The following SCMH1 variants were observed in gnomAD, a reference collection of about 807,000 sequenced individuals.
SCMH1 encodes the protein polycomb protein SCMH1.
SCMH1 carries 37 observed loss-of-function variants against 70.8 expected under a neutral mutation model. The ratio of observed to expected loss-of-function variants is 0.52; its 90% CI spans 0.40 to 0.69. SCMH1 has a LOEUF of 0.69. Ranked by LOEUF, SCMH1 falls within the 30% of genes least tolerant of loss-of-function variation. SCMH1 has a pLI of 0.00. For missense variants in SCMH1, 607 were observed against 827.3 expected, an observed-to-expected ratio of 0.73 and a Z score of 3.27; for synonymous variants, 292 against 307.4, an observed-to-expected ratio of 0.95 and a Z score of 0.52.
chr1:41,219,080 A>T (rs1169940804), intron 1 of SCMH1, among the ~76,000 whole-genome samples: 1 of 152,188 alleles, frequency 6.6e-6, no homozygotes, highest in African/African-American at 2.4e-5. Flanking sequence ...TTGAGTTATC[A>T]ATTATGTCTA....
At chr1:41,130,295 A>G (rs966299214) in intron 6 of SCMH1, among the ~76,000 whole-genome samples, 1 of 152,106 alleles carries the variant, frequency 6.6e-6, no homozygotes, top group Non-Finnish European at 1.5e-5. Context: ...CTTATCAGAT[A>G]TATGTTTTGT....
chr1:41,037,911 G>C (rs1645532244), intron 12 of SCMH1: 1 of 176,178 alleles, frequency 5.7e-6, no homozygotes, highest in Non-Finnish European at 1.2e-5. Flanking sequence ...TTAGATGAAG[G>C]TACTTTAAAA....
intron 2 of SCMH1, among the ~76,000 whole-genome samples, chr1:41,166,253 A>G (rs556936385): frequency 4.6e-5 from 7 of 152,208 alleles, no homozygotes; most frequent in Non-Finnish European, 7.4e-5. Context: ...GCTTTGTAAT[A>G]AATTTTGCAA....
intron 6 of SCMH1, among the ~76,000 whole-genome samples, chr1:41,122,652 G>C (rs1031593001): frequency 1.3e-5 from 2 of 152,092 alleles, no homozygotes; most frequent in African/African-American, 4.8e-5. Context: ...TGCAGGTAAG[G>C]GCACTGAAAC....
chr1:41,039,821 C>T (rs970463570), intron 12 of SCMH1, among the ~76,000 whole-genome samples: 5 of 152,112 alleles, frequency 3.3e-5, no homozygotes, highest in African/African-American at 1.2e-4. Context: ...CCCTGTGGAA[C>T]CTCCACAGGG....
intron 7 of SCMH1, among the ~76,000 whole-genome samples, chr1:41,115,936 TATA>T (rs1341704881): frequency 3.3e-5 from 5 of 152,264 alleles, no homozygotes; most frequent in Non-Finnish European, 5.9e-5. Context: ...TATGTATGAT[TATA>T]ATGAGCTTAA....
At chr1:41,059,167 G>A (rs1651679265) in intron 10 of SCMH1, among the ~76,000 whole-genome samples, 1 of 152,190 alleles carries the variant, frequency 6.6e-6, no homozygotes, top group South Asian at 2.1e-4. Context: ...TTGCATAAGT[G>A]ATACAGACAG....
chr1:41,075,754 T>A (rs928650310), intron 8 of SCMH1, among the ~76,000 whole-genome samples: 1 of 152,196 alleles, frequency 6.6e-6, no homozygotes, highest in Admixed American at 6.5e-5. Context: ...AATAGAATCA[T>A]AGGCTCAGAG....
At position 41,161,502 on chromosome 1, in the gene SCMH1, T is replaced by C; in HGVS notation, c.14-70A>G. 3 of 1,488,244 alleles carry C rather than the reference T, an allele frequency of 2.0e-6. No individual in the cohort carries two copies. The South Asian group carries it at 4.0e-5, about 20-fold the overall frequency. The allele number at this position is 1,488,244 out of a possible 1,614,324, so 92.2% of individuals were successfully genotyped here. On this transcript the variant is annotated intron_variant, in intron 2 of 14. Coordinates refer to ENST00000337495, the Ensembl canonical transcript of SCMH1. ...ATTAAATACTTTTCCAATTTGGCAG[T>C]ATGTATTAACAGTTTTTAATAAAGT... is the stretch of plus-strand genomic sequence containing the variant.
intron 1 of SCMH1, among the ~76,000 whole-genome samples, chr1:41,202,850 G>A (rs1000803686): frequency 6.6e-6 from 1 of 152,070 alleles, no homozygotes; most frequent in African/African-American, 2.4e-5. Flanking sequence ...CCAGGGTCTA[G>A]AACAGTGCTA....
chr1:41,161,085 C>A (rs915841780), intron 3 of SCMH1, among the ~76,000 whole-genome samples, 187 bp from the exon 4 acceptor site: 3 of 152,140 alleles, frequency 2.0e-5, no homozygotes, highest in Admixed American at 1.3e-4. Context: ...TATTCCCAAG[C>A]CTAAACTTAT....
At chr1:41,124,856 A>C (rs561726492) in intron 6 of SCMH1, among the ~76,000 whole-genome samples, 3 of 152,194 alleles carry the variant, frequency 2.0e-5, no homozygotes, top group Non-Finnish European at 4.4e-5. Context: ...TCAGCCTCCC[A>C]AAGTGCTGGC....
chr1:41,161,606 T>C (rs948609270), intron 2 of SCMH1, 174 bp from the exon 3 acceptor site: 1 of 619,354 alleles, frequency 1.6e-6, no homozygotes, highest in Non-Finnish European at 2.4e-6. Flanking sequence ...AGCCTTGGCA[T>C]TGTTTACAAT....
chr1:41,188,872 G>A (rs927808503), intron 1 of SCMH1, among the ~76,000 whole-genome samples: 1 of 152,082 alleles, frequency 6.6e-6, no homozygotes, highest in African/African-American at 2.4e-5. Flanking sequence ...AGAACAGGAA[G>A]AGAAGAATAC....
chr1:41,064,585 A>G (rs1322637230), intron 10 of SCMH1, among the ~76,000 whole-genome samples: 1 of 152,202 alleles, frequency 6.6e-6, no homozygotes, highest in Non-Finnish European at 1.5e-5. Flanking sequence ...TCACTTTCCT[A>G]TATAGCAGCA....
At chr1:41,083,900 T>C (rs1660788686) in intron 8 of SCMH1, among the ~76,000 whole-genome samples, 1 of 152,158 alleles carries the variant, frequency 6.6e-6, no homozygotes, top group Non-Finnish European at 1.5e-5. Flanking sequence ...TAATAAATGG[T>C]GCTGGGAAAA....
chr1:41,027,519 C>T (rs1643950296), exon 15 of SCMH1: 1 of 152,310 alleles, frequency 6.6e-6, no homozygotes, highest in African/African-American at 2.4e-5. Context: ...GACAGGGATC[C>T]TTCTCCTCCC....
At chr1:41,077,853 GGCATACT>G (rs1658822843) in intron 8 of SCMH1, among the ~76,000 whole-genome samples, 1 of 152,024 alleles carries the variant, frequency 6.6e-6, no homozygotes, top group South Asian at 2.1e-4. Flanking sequence ...TAAAACGTTT[GGCATACT>G]ACAAAAATTA....
intron 10 of SCMH1, among the ~76,000 whole-genome samples, chr1:41,063,264 G>A (rs1653403590): frequency 6.6e-6 from 1 of 152,058 alleles, no homozygotes; most frequent in African/African-American, 2.4e-5. Context: ...ATGAGGGCAG[G>A]AGGTCGAGAC....
Sources: gnomAD v4.1 joint callset for allele counts (sites outside exome capture counted in the v4.1 genomes callset) on GRCh38, gnomAD v4.1.1 for gene constraint, MANE v1.5 for transcripts, NCBI Gene and HGNC (gene_info 2026-07-23, HGNC 2026-07-21) for gene names.